CAPN14: variants seen among roughly 807,000 people sequenced by gnomAD.
The protein encoded by CAPN14 is calpain 14, also known as calpain-14.
In CAPN14, 94 loss-of-function variants were observed where a neutral mutation model predicts 101.3. The ratio of observed to expected loss-of-function variants is 0.93; its 90% CI spans 0.79 to 1.10. The LOEUF (loss-of-function observed/expected upper bound fraction) is 1.10. Among genes scored for constraint, CAPN14 ranks in the 50% least tolerant of loss-of-function variants. CAPN14 has a pLI of 0.00. For missense variants in CAPN14, 837 were observed against 828.4 expected (o/e 1.01, Z -0.13); for synonymous variants, 338 against 317.9 (o/e 1.06, Z -0.67).
At chr2:31,200,763 T>C in intron 5 of CAPN14, 138 bp from the exon 6 acceptor site, 1 of 781,532 alleles carries the variant, frequency 1.3e-6, no homozygotes, top group South Asian at 2.0e-5. Context: ...CCTGACATAG[T>C]TTCCAATACC....
rs904873603 is a variant in CAPN14 at position 31,173,496 on chromosome 2, T to C, written c.*1185A>G. 1 of 152,330 alleles carries C rather than the reference T, an allele frequency of 6.6e-6. No homozygotes were observed. The allele number at this position is 152,330 out of a possible 1,614,324, so 9.4% of individuals were successfully genotyped here. On this transcript the variant is annotated 3_prime_UTR_variant, in exon 22 of 22. Coordinates refer to ENST00000403897, the MANE Select transcript of CAPN14 (RefSeq NM_001145122.2). ...AATTAAGATTAAATAGAATACAGGTTGACTATCTCTTAACTAAAATGCTTG... is the reference window on the plus strand; with the variant it reads ...AATTAAGATTAAATAGAATACAGGTCGACTATCTCTTAACTAAAATGCTTG...
At chr2:31,220,159 C>T (rs1682819973), upstream of CAPN14, among the ~76,000 whole-genome samples, 1 of 152,070 alleles carries the variant, frequency 6.6e-6, no homozygotes, top group Non-Finnish European at 1.5e-5. Flanking sequence ...CCAAATGAAT[C>T]CCTGATTGTT....
In CAPN14 at chr2:31,173,283, A is replaced by G. The variant is rs1284021286; in HGVS notation, c.*1398T>C. On this transcript the variant is annotated 3_prime_UTR_variant, in exon 22 of 22. Coordinates refer to ENST00000403897, the MANE Select transcript of CAPN14 (RefSeq NM_001145122.2). ...AAGGGTTTTTTTTCCTAAATAAAATACTTTCCTACCCCATAAGCTACGCTT... is the reference window on the plus strand; with the variant it reads ...AAGGGTTTTTTTTCCTAAATAAAATGCTTTCCTACCCCATAAGCTACGCTT... 1 of 152,242 alleles carries G rather than the reference A, an allele frequency of 6.6e-6. No individual in the cohort carries two copies. Among genetic ancestry groups the G allele is most frequent in the African/African-American group, 2.4e-5 (1 of 41,464 alleles). 9.4% of individuals were successfully genotyped at this position (152,242 alleles called of 1,614,324 possible). A position where few individuals can be genotyped will look rare whatever the true frequency, so the allele number is the denominator to read the frequency against.
chr2:31,186,650 T>C (rs540851894), intron 15 of CAPN14, among the ~76,000 whole-genome samples, 165 bp from the exon 16 acceptor site: 1 of 152,370 alleles, frequency 6.6e-6, no homozygotes, highest in South Asian at 2.1e-4. Flanking sequence ...AGGGCATGAC[T>C]TTCAAGAACA....
At chr2:31,212,102 G>T (rs552491214) in intron 1 of CAPN14, among the ~76,000 whole-genome samples, 1 of 152,108 alleles carries the variant, frequency 6.6e-6, no homozygotes, top group Non-Finnish European at 1.5e-5. Flanking sequence ...TTGAGGTCAA[G>T]AGTTCAAGAC....
chr2:31,179,458 T>C (rs568441765), intron 17 of CAPN14, among the ~76,000 whole-genome samples: 1 of 152,350 alleles, frequency 6.6e-6, no homozygotes, highest in East Asian at 1.9e-4. Flanking sequence ...ATTTTCTGAA[T>C]CCAGTCTATC....
intron 1 of CAPN14, among the ~76,000 whole-genome samples, chr2:31,227,483 C>T (rs1460500204): frequency 2.0e-5 from 3 of 152,166 alleles, no homozygotes; most frequent in East Asian, 1.9e-4. Context: ...ACTTCCCTTT[C>T]CTTGTGCACG....
At position 31,194,423 on chromosome 2, in the gene CAPN14, A is replaced by G. The variant is rs774942896; in HGVS notation, c.936T>C (p.Asn312=). The G allele has an allele frequency of 3.3e-4, 506 of 1,551,226 alleles. No homozygotes were observed. The highest frequency in any genetic ancestry group is 4.4e-4 in the Non-Finnish European group (502 of 1,146,764). The part of the protein sequence containing the change: ...KEKILLLRKD[N]DGEFWMTLQD... ...AAGTCCAATACCAGAATTCTCCGTC[A>G]TTGTCTTTCCTCAGAAGCAGAATCT... is the stretch of plus-strand genomic sequence containing the variant. Residue 312 remains asparagine, a synonymous_variant, in exon 9 of 22, where the codon AAT becomes AAC. Coordinates refer to ENST00000403897, the MANE Select transcript of CAPN14 (RefSeq NM_001145122.2).
At chr2:31,181,757 G>C (rs1381887232) in intron 16 of CAPN14, among the ~76,000 whole-genome samples, 1 of 137,676 alleles carries the variant, frequency 7.3e-6, no homozygotes, top group Non-Finnish European at 1.5e-5. Flanking sequence ...CCACCTATGA[G>C]TGAGAACATG....
At chr2:31,214,307 A>T (rs1682536103) in intron 1 of CAPN14, among the ~76,000 whole-genome samples, 1 of 152,200 alleles carries the variant, frequency 6.6e-6, no homozygotes. Flanking sequence ...ACTTCCTGTG[A>T]ACTGTCAATC....
intron 1 of CAPN14, among the ~76,000 whole-genome samples, chr2:31,208,878 C>T (rs938767126): frequency 2.0e-5 from 3 of 152,160 alleles, no homozygotes; most frequent in Non-Finnish European, 2.9e-5. Context: ...TAAGAATGTG[C>T]AGCCTAAAAG....
At chr2:31,214,192 T>C (rs1005254460) in intron 1 of CAPN14, among the ~76,000 whole-genome samples, 3 of 152,218 alleles carry the variant, frequency 2.0e-5, no homozygotes, top group Non-Finnish European at 4.4e-5. Context: ...ATTGACTCAC[T>C]GACAGAAGGG....
chr2:31,192,168 G>A, intron 10 of CAPN14, 70 bp from the exon 11 acceptor site: 2 of 1,452,590 alleles, frequency 1.4e-6, no homozygotes, highest in African/African-American at 1.4e-5. Flanking sequence ...GAACCACTAA[G>A]AGGTGAACAG....
At position 31,176,578 on chromosome 2, in the gene CAPN14, A is replaced by C; in HGVS notation, c.2028+9T>G. ...ATGACATGAGCCACCTCCTTGGGGCAAGTCTTACCTCTGGCTTCTGGAGGT... is the reference window on the plus strand; with the variant it reads ...ATGACATGAGCCACCTCCTTGGGGCCAGTCTTACCTCTGGCTTCTGGAGGT... On this transcript the variant is annotated intron_variant, in intron 21 of 21. Coordinates refer to ENST00000403897, the MANE Select transcript of CAPN14 (RefSeq NM_001145122.2). 6.4e-7 allele frequency: 1 copy of C among 1,551,248 alleles called. No individual in the cohort carries two copies.
chr2:31,193,598 T>C (rs1681321505), intron 9 of CAPN14, among the ~76,000 whole-genome samples: 1 of 152,192 alleles, frequency 6.6e-6, no homozygotes. Context: ...AGCAGCTGAA[T>C]TAAGGCATAG....
rs750697717 is a variant in CAPN14, at chr2:31,189,452, G to A, written c.1314C>T (p.Pro438=). Residue 438 remains proline (P), a synonymous_variant, in exon 13 of 22, where the codon CCC becomes CCT. Coordinates refer to ENST00000403897, the MANE Select transcript of CAPN14 (RefSeq NM_001145122.2). ...NKYHDDQRRL[P]PEFFQRNTPL... is the part of the protein sequence containing the mutation. ...GAGTGTTTCTCTGGAAGAACTCAGGGGGCAGTCTCCTCTGGTCATCATGGT... is the reference window on the plus strand; with the variant it reads ...GAGTGTTTCTCTGGAAGAACTCAGGAGGCAGTCTCCTCTGGTCATCATGGT... 5.9e-5 allele frequency: 92 copies of A among 1,551,444 alleles called. No individual in the cohort carries two copies. Among genetic ancestry groups the A allele is most frequent in the Non-Finnish European group, 7.5e-5 (86 of 1,146,968 alleles).
rs1330309032 is a variant in CAPN14 at position 31,202,016 on chromosome 2, C to A, written c.415-18G>T. The A allele has an allele frequency of 6.4e-7, 1 of 1,551,230 alleles. No individual in the cohort carries two copies. The highest frequency in any genetic ancestry group is 8.7e-7 in the Non-Finnish European group (1 of 1,146,646). On this transcript the variant is annotated intron_variant, in intron 4 of 21. Coordinates refer to ENST00000403897, the MANE Select transcript of CAPN14 (RefSeq NM_001145122.2). The stretch of plus-strand genomic sequence containing the variant: ...TGCCAGAACTGGAGGGAGAGAGTGG[C>A]CCCGGGTGAATGAGGACTGCTGCAG...
rs1417314072 is a variant in CAPN14 at position 31,202,226 on chromosome 2, G to A, written c.322C>T (p.Gln108Ter). The change falls in exon 4 of 22, where the codon CAA becomes TAA. Residue 108 changes from glutamine (Q) to a stop codon, truncating the protein, a stop_gained. Transcript: ENST00000403897. LOFTEE classifies it high-confidence loss of function. ...VGDCWFLAAL[Q>*]ALALHQDILS... ...ATGTCCTGGTGCAAGGCCAGAGCTTGCAAAGCAGCCAAGAACCAGCAGTCT... is the reference window on the plus strand; with the variant it reads ...ATGTCCTGGTGCAAGGCCAGAGCTTACAAAGCAGCCAAGAACCAGCAGTCT... 1.3e-6 allele frequency: 2 copies of A among 1,551,546 alleles called. No homozygotes were observed. Among genetic ancestry groups the A allele is most frequent in the Non-Finnish European group, 1.7e-6 (2 of 1,146,972 alleles).
chr2:31,178,396 G>C (rs1680418110), intron 18 of CAPN14, 115 bp downstream of exon 18: 2 of 766,514 alleles, frequency 2.6e-6, no homozygotes, highest in Non-Finnish European at 4.5e-6. Flanking sequence ...GAATAGAGAA[G>C]GTTTGGTGAG....
Sources: gnomAD v4.1 joint callset for allele counts (sites outside exome capture counted in the v4.1 genomes callset) on GRCh38, gnomAD v4.1.1 for gene constraint, MANE v1.5 for transcripts, NCBI Gene and HGNC (gene_info 2026-07-23, HGNC 2026-07-21) for gene names.